The following PPP1R12B variants were observed in gnomAD, a reference collection of about 807,000 sequenced individuals.
PPP1R12B encodes the protein protein phosphatase 1 regulatory subunit 12B, also known as myosin phosphatase target subunit 2.
PPP1R12B carries 76 observed loss-of-function variants against 126.1 expected under a neutral mutation model. The ratio of observed to expected loss-of-function variants is 0.60; its 90% CI spans 0.50 to 0.73. PPP1R12B has a LOEUF of 0.73. Ranked by LOEUF, PPP1R12B falls within the 30% of genes least tolerant of loss-of-function variation. The probability of loss-of-function intolerance (pLI) is 0.00; values close to 1 mark genes in which losing one functional copy is unlikely to be tolerated. For synonymous variants in PPP1R12B, 356 were observed against 434.7 expected (o/e 0.82, Z 2.25); for missense variants, 1,052 against 1,205.1 (o/e 0.87, Z 1.88).
rs185543232 is a variant in PPP1R12B at position 202,565,611 on chromosome 1, C to A, written c.2757+1064C>A. The stretch of plus-strand genomic sequence containing the variant: ...TAGGACTCCAGCAAGACAGCCAGGA[C>A]ACTCACTTTCTGGAGAAGGGCTTAC... On this transcript the variant is annotated intron_variant, in intron 21 of 23. Coordinates refer to ENST00000608999, the MANE Select transcript of PPP1R12B (RefSeq NM_002481.4). The surrounding 1 kb of genome is among the most constrained non-coding windows in gnomAD (Gnocchi z 4.3). Among the ~76,000 whole-genome samples, 2 of 152,272 alleles carry A rather than the reference C, an allele frequency of 1.3e-5. No homozygotes were observed. Among genetic ancestry groups the A allele is most frequent in the Admixed American group, 1.3e-4 (2 of 15,310 alleles).
chr1:202,471,497 C>T (rs1237905364), intron 13 of PPP1R12B, among the ~76,000 whole-genome samples: 2 of 151,692 alleles, frequency 1.3e-5, no homozygotes, highest in African/African-American at 4.8e-5. Flanking sequence ...CTGGACACTG[C>T]CTGATTGCTC....
intron 2 of PPP1R12B, among the ~76,000 whole-genome samples, chr1:202,418,737 A>G (rs1408004876): frequency 6.6e-6 from 1 of 151,978 alleles, no homozygotes; most frequent in Non-Finnish European, 1.5e-5. Flanking sequence ...TTCACTATAC[A>G]TATCATTATT....
intron 1 of PPP1R12B, among the ~76,000 whole-genome samples, chr1:202,380,817 C>G (rs1358761918): frequency 6.6e-6 from 1 of 152,190 alleles, no homozygotes; most frequent in Non-Finnish European, 1.5e-5. Flanking sequence ...GAGTCATGCT[C>G]TGTTCTAACA....
intron 15 of PPP1R12B, 23 bp downstream of exon 15, chr1:202,493,340 G>A (rs780370355): frequency 3.1e-6 from 5 of 1,604,620 alleles, no homozygotes; most frequent in Admixed American, 3.4e-5. Context: ...TTGCTGGCAT[G>A]TACTGTGCTA....
intron 1 of PPP1R12B, among the ~76,000 whole-genome samples, chr1:202,363,335 T>G (rs1658554485): frequency 6.6e-6 from 1 of 152,226 alleles, no homozygotes; most frequent in Non-Finnish European, 1.5e-5. Context: ...TTGCTTGTAC[T>G]TCATGTTGAT....
chr1:202,537,353 CAAAA>C (rs570737869), intron 18 of PPP1R12B, among the ~76,000 whole-genome samples: 1 of 99,986 alleles, frequency 1.0e-5, no homozygotes. Flanking sequence ...GACTCCGTCT[CAAAA>C]AAAAAAAAAA....
intron 1 of PPP1R12B, among the ~76,000 whole-genome samples, chr1:202,386,765 G>A (rs1057212467): frequency 6.6e-6 from 1 of 151,806 alleles, no homozygotes; most frequent in Non-Finnish European, 1.5e-5. Context: ...CCCGTGGGTA[G>A]TATATTTATC....
At chr1:202,431,991 G>C (rs865938391) in intron 8 of PPP1R12B, among the ~76,000 whole-genome samples, 4 of 152,182 alleles carry the variant, frequency 2.6e-5, no homozygotes, top group Non-Finnish European at 5.9e-5. Flanking sequence ...TAATTCTTAT[G>C]TGAGGAATCC....
At chr1:202,528,025 C>T (rs1333237323) in intron 18 of PPP1R12B, among the ~76,000 whole-genome samples, 2 of 152,200 alleles carry the variant, frequency 1.3e-5, no homozygotes, top group Non-Finnish European at 2.9e-5. Context: ...ACCAGCTTTG[C>T]TCTTTGATTC....
At chr1:202,439,489 C>T in intron 10 of PPP1R12B, 12 of 1,514,290 alleles carry the variant, frequency 7.9e-6, no homozygotes, top group Non-Finnish European at 1.1e-5. Context: ...TGGTCCAGCC[C>T]ATGGAAGTGG....
chr1:202,567,090 TG>T (rs1189843746), intron 21 of PPP1R12B, among the ~76,000 whole-genome samples: 1 of 152,228 alleles, frequency 6.6e-6, no homozygotes, highest in Non-Finnish European at 1.5e-5. Context: ...AAGTCAAAGA[TG>T]ATCTAAAATA....
At position 202,437,884 on chromosome 1, in the gene PPP1R12B, T is replaced by G; in HGVS notation, c.1318T>G (p.Leu440Val). The G allele has an allele frequency of 6.2e-7, 1 of 1,613,974 alleles. No individual in the cohort carries two copies. Among genetic ancestry groups the G allele is most frequent in the Non-Finnish European group, 8.5e-7 (1 of 1,179,872 alleles). ...AGATGAATCTCCTTCTTCATGGAGATTGGGACTGAGAAAAACTGGCAGCCA... is the reference window on the plus strand; with the variant it reads ...AGATGAATCTCCTTCTTCATGGAGAGTGGGACTGAGAAAAACTGGCAGCCA... ...PKDESPSSWR[L>V]GLRKTGSHNM... Residue 440 changes from leucine to valine, a missense_variant, in exon 10 of 24, where the codon TTG becomes GTG. Physicochemically the swap from Leu to Val is conservative, Grantham distance 32. Transcript: ENST00000608999.
At chr1:202,438,380 C>G (rs1288942804) in intron 10 of PPP1R12B, 2 of 723,986 alleles carry the variant, frequency 2.8e-6, no homozygotes, top group Non-Finnish European at 4.4e-6. Context: ...GGGCCAATTC[C>G]CGTCCCCCCA....
intron 18 of PPP1R12B, among the ~76,000 whole-genome samples, chr1:202,516,637 AT>A (rs1224941469): frequency 6.6e-6 from 1 of 152,150 alleles, no homozygotes; most frequent in Non-Finnish European, 1.5e-5. Context: ...AAAAAAAAAA[AT>A]CCTCATAAAG....
At chr1:202,509,861 A>C (rs1197813005) in intron 18 of PPP1R12B, among the ~76,000 whole-genome samples, 1 of 152,182 alleles carries the variant, frequency 6.6e-6, no homozygotes, top group East Asian at 1.9e-4. Context: ...ATGTGGGGGA[A>C]GAGAAGCTGA....
chr1:202,351,091 A>T (rs998775167), intron 1 of PPP1R12B, among the ~76,000 whole-genome samples: 7 of 152,116 alleles, frequency 4.6e-5, no homozygotes, highest in African/African-American at 1.7e-4. Flanking sequence ...CTGCTTAAAG[A>T]TTTGAGGTCT....
intron 18 of PPP1R12B, among the ~76,000 whole-genome samples, chr1:202,524,359 A>G (rs941508043): frequency 6.6e-6 from 1 of 152,164 alleles, no homozygotes; most frequent in African/African-American, 2.4e-5. Context: ...TAGGAAGCCA[A>G]TCTTATTTAT....
chr1:202,498,502 T>C (rs1438847850), intron 18 of PPP1R12B, among the ~76,000 whole-genome samples: 2 of 152,226 alleles, frequency 1.3e-5, no homozygotes, highest in Admixed American at 6.5e-5. Context: ...GGGTGAGGCA[T>C]CCTTTTTGTA....
rs2148838143 is a variant in PPP1R12B, at chr1:202,488,553, G to A, written c.1871G>A (p.Arg624Gln). 3.7e-6 allele frequency: 6 copies of A among 1,611,522 alleles called. No individual in the cohort carries two copies. Among genetic ancestry groups the A allele is most frequent in the South Asian group, 1.1e-5 (1 of 90,638 alleles). Reference sequence around the variant, plus strand: ...TGCAGGTCCTATCTGACTCCTGTACGGGATGAGGAAGCAGAGTCTTTACGG... The same window carrying A: ...TGCAGGTCCTATCTGACTCCTGTACAGGATGAGGAAGCAGAGTCTTTACGG... ...EKRRSYLTPV[R>Q]DEEAESLRKA... Residue 624 changes from arginine to glutamine, a missense_variant, in exon 14 of 24, where the codon CGG (arginine) becomes CAG (glutamine). By Grantham distance (43) the Arg-to-Gln change is conservative. Coordinates refer to ENST00000608999, the MANE Select transcript of PPP1R12B (RefSeq NM_002481.4).
Sources: gnomAD v4.1 joint callset for allele counts (sites outside exome capture counted in the v4.1 genomes callset) on GRCh38, gnomAD v4.1.1 for gene constraint, Gnocchi (gnomAD v3.1) non-coding constraint, MANE v1.5 for transcripts, NCBI Gene and HGNC (gene_info 2026-07-23, HGNC 2026-07-21) for gene names.